SUPT16H: variants seen among roughly 807,000 people sequenced by gnomAD.
SUPT16H encodes the protein FACT complex subunit SPT16.
Under a neutral mutation model 136.2 loss-of-function variants are expected in SUPT16H, and 24 were observed. The observed-to-expected ratio is 0.18, with a 90% CI of 0.13 to 0.25. SUPT16H has a LOEUF of 0.25. Ranked by LOEUF, SUPT16H falls within the 10% of genes least tolerant of loss-of-function variation. The pLI is 1.00. For missense variants in SUPT16H, 623 were observed against 1,270.2 expected (o/e 0.49, Z 7.74); for synonymous variants, 415 against 428.2 (o/e 0.97, Z 0.38).
At chr14:21,364,492 T>C (rs1219032645) in intron 10 of SUPT16H, among the ~76,000 whole-genome samples, 1 of 152,216 alleles carries the variant, frequency 6.6e-6, no homozygotes, top group African/African-American at 2.4e-5. Flanking sequence ...CACTAAATTG[T>C]ACATATCAGG....
chr14:21,383,798 G>A (rs1887106021), intron 1 of SUPT16H, 64 bp downstream of exon 1: 2 of 1,587,964 alleles, frequency 1.3e-6, no homozygotes, highest in Non-Finnish European at 1.7e-6. Context: ...AGGGCGCCGA[G>A]AAACAGGGTT....
At chr14:21,360,761 T>C (rs1886533873) in intron 17 of SUPT16H, 85 bp downstream of exon 17, 1 of 1,540,372 alleles carries the variant, frequency 6.5e-7, no homozygotes, top group Admixed American at 2.1e-5. Context: ...CGGATGGCTC[T>C]TTGTCATATT....
At chr14:21,369,475 G>T (rs45618735) in intron 5 of SUPT16H, 120 bp from the exon 6 acceptor site, 10 of 1,335,854 alleles carry the variant, frequency 7.5e-6, no homozygotes, top group Middle Eastern at 1.9e-4. Context: ...TGATTTATGC[G>T]CCAGGTAATA....
chr14:21,366,636 T>C, intron 7 of SUPT16H, 107 bp from the exon 8 acceptor site: 1 of 1,035,484 alleles, frequency 9.7e-7, no homozygotes, highest in Non-Finnish European at 1.4e-6. Flanking sequence ...TCTCAAAGTG[T>C]GAACTAAACA....
At chr14:21,358,629 C>G (rs879187542) in intron 19 of SUPT16H, among the ~76,000 whole-genome samples, 2 of 152,154 alleles carry the variant, frequency 1.3e-5, no homozygotes, top group Admixed American at 1.3e-4. Flanking sequence ...GAAGTGCTTT[C>G]GTTGCCCTTC....
Position 21,369,349 on chromosome 14 carries a change from G to A in SUPT16H, c.637C>T (p.Arg213Ter). 1 of 1,614,014 alleles carries A rather than the reference G, an allele frequency of 6.2e-7. No individual in the cohort carries two copies. Among genetic ancestry groups the A allele is most frequent in the Non-Finnish European group, 8.5e-7 (1 of 1,179,946 alleles). Residue 213 changes from arginine (R) to a stop codon, truncating the protein, a stop_gained, in exon 6 of 26, where the codon CGA (arginine) becomes TGA (stop). Transcript: ENST00000216297. LOFTEE classifies it high-confidence loss of function. ...MEIVDADEKVRHSKLAESVEK... is the reference protein window; with the variant it reads ...MEIVDADEKV ...ACAGACTCAGCCAGTTTGCTGTGTC[G>A]AACTTTCTGTAAGAGCATCCAGAAA... is the stretch of plus-strand genomic sequence containing the variant.
chr14:21,362,396 AT>A (rs1317266274), intron 14 of SUPT16H, 72 bp from the exon 15 acceptor site: 16 of 1,493,920 alleles, frequency 1.1e-5, no homozygotes, highest in Non-Finnish European at 2.7e-6. Context: ...AGATGTTAAA[AT>A]TAAGTTAGGA....
intron 10 of SUPT16H, among the ~76,000 whole-genome samples, chr14:21,364,595 T>G (rs2139404693): frequency 1.3e-5 from 2 of 152,332 alleles, no homozygotes; most frequent in South Asian, 4.1e-4. Flanking sequence ...TATTAGTTCC[T>G]GATATTATCA....
rs1399305070 is a variant in SUPT16H at position 21,373,450 on chromosome 14, A to G, written c.67-20T>C. 1 of 1,577,460 alleles carries G rather than the reference A, an allele frequency of 6.3e-7. No individual in the cohort carries two copies. Among genetic ancestry groups the G allele is most frequent in the South Asian group, 1.1e-5 (1 of 90,312 alleles). ...TCCTTTCTGAAAAGAGTGGGTAATC[A>G]TCACTTAATTTTTCACACTAGCAAA... is the stretch of plus-strand genomic sequence containing the variant. On this transcript the variant is annotated intron_variant, in intron 1 of 25. Coordinates refer to ENST00000216297, the MANE Select transcript of SUPT16H (RefSeq NM_007192.4).
chr14:21,376,646 C>T (rs977067012), intron 1 of SUPT16H, among the ~76,000 whole-genome samples: 6 of 152,020 alleles, frequency 3.9e-5, no homozygotes. Flanking sequence ...AACTGCTAGT[C>T]CCTTTGTATG....
chr14:21,365,300 A>G (rs1886642087), intron 8 of SUPT16H, among the ~76,000 whole-genome samples, 157 bp from the exon 9 acceptor site: 1 of 152,236 alleles, frequency 6.6e-6, no homozygotes. Context: ...ATTCAAAGAC[A>G]GTCTTTGGCC....
chr14:21,363,962 A>G (rs1886611733), intron 10 of SUPT16H, among the ~76,000 whole-genome samples: 1 of 152,186 alleles, frequency 6.6e-6, no homozygotes, highest in East Asian at 1.9e-4. Context: ...TACACGCGTG[A>G]GCCACTGCGC....
chr14:21,368,854 G>A (rs1886727577), intron 6 of SUPT16H, among the ~76,000 whole-genome samples: 1 of 152,138 alleles, frequency 6.6e-6, no homozygotes, highest in Non-Finnish European at 1.5e-5. Context: ...TTATATGTGG[G>A]AACTAAAAAA....
chr14:21,362,443 C>A, intron 14 of SUPT16H, 119 bp from the exon 15 acceptor site: 1 of 960,810 alleles, frequency 1.0e-6, no homozygotes. Flanking sequence ...TAATCTAAAT[C>A]TAATAAATTT....
At chr14:21,362,361 C>T (rs775956490) in intron 14 of SUPT16H, 37 bp from the exon 15 acceptor site, 1 of 1,593,660 alleles carries the variant, frequency 6.3e-7, no homozygotes, top group South Asian at 1.1e-5. Flanking sequence ...AAACAGATTT[C>T]TTTCCTAGAG....
Position 21,362,778 on chromosome 14 carries a change from C to T in SUPT16H, c.1665+16G>A, listed in dbSNP as rs1886584496. On this transcript the variant is annotated intron_variant, in intron 14 of 25. Coordinates refer to ENST00000216297, the MANE Select transcript of SUPT16H (RefSeq NM_007192.4). Reference sequence around the variant, plus strand: ...GCAACAGTTTGGATGAAACCTGATGCACTGAATGTCAGTACCTTGATTGTG... The same window carrying T: ...GCAACAGTTTGGATGAAACCTGATGTACTGAATGTCAGTACCTTGATTGTG... The T allele has an allele frequency of 6.3e-7, 1 of 1,587,186 alleles. No individual in the cohort carries two copies.
At chr14:21,373,298 CA>C in intron 2 of SUPT16H, 39 bp downstream of exon 2, 1 of 1,491,486 alleles carries the variant, frequency 6.7e-7, no homozygotes, top group Non-Finnish European at 9.4e-7. Context: ...GTAGATAATC[CA>C]ACAACTCTAA....
intron 8 of SUPT16H, 38 bp from the exon 9 acceptor site, chr14:21,365,181 G>T (rs1471682381): frequency 6.4e-7 from 1 of 1,560,896 alleles, no homozygotes; most frequent in Non-Finnish European, 8.8e-7. Flanking sequence ...AAAGGCTAAA[G>T]ATCTCTAACA....
Position 21,362,301 on chromosome 14 carries a change from T to C in SUPT16H, c.1689A>G (p.Gly563=). Residue 563 remains glycine (G), a synonymous_variant, in exon 15 of 26, where the codon GGA becomes GGG. Transcript: ENST00000216297. ...TIKNISMSVE[G]DYTYLRINFY... ...AGTTGATTCGCAAGTAAGTATAATC[T>C]CCTTCCACGGACATACTTATATTCT... 1 of 1,614,058 alleles carries C rather than the reference T, an allele frequency of 6.2e-7. No homozygotes were observed. Among genetic ancestry groups the C allele is most frequent in the Non-Finnish European group, 8.5e-7 (1 of 1,179,976 alleles).
Sources: allele counts gnomAD v4.1 joint callset (sites outside exome capture counted in the v4.1 genomes callset), GRCh38; gene constraint gnomAD v4.1.1; transcripts MANE v1.5; gene names NCBI Gene and HGNC (gene_info 2026-07-23, HGNC 2026-07-21).